The following GNG2 variants were observed in gnomAD, a reference collection of about 807,000 sequenced individuals.
GNG2 encodes G protein subunit gamma 2, also known as guanine nucleotide-binding protein G(I)/G(S)/G(O) subunit gamma-2.
Under a neutral mutation model 5.5 loss-of-function variants are expected in GNG2, and 5 were observed. The ratio of observed to expected loss-of-function variants is 0.91; its 90% CI spans 0.48 to 1.92. The LOEUF is 1.92. GNG2 is among the 30% of genes most tolerant of loss of function. The pLI, the probability that GNG2 is intolerant of heterozygous loss-of-function variation, is 0.01. For missense variants in GNG2, 55 were observed against 88.4 expected, an observed-to-expected ratio of 0.62 and a Z score of 1.52; for synonymous variants, 28 against 32.0, an observed-to-expected ratio of 0.88 and a Z score of 0.42.
At chr14:51,865,235 A>G (rs1196675480) in intron 1 of GNG2, among the ~76,000 whole-genome samples, 1 of 152,116 alleles carries the variant, frequency 6.6e-6, no homozygotes, top group African/African-American at 2.4e-5. Flanking sequence ...TATTCATTCT[A>G]CAATTACTGG....
chr14:51,917,467 G>A (rs1886717529), intron 2 of GNG2: 1 of 455,436 alleles, frequency 2.2e-6, no homozygotes, highest in Non-Finnish European at 4.4e-6. Flanking sequence ...GAGTGAGTTG[G>A]AACCTTAGCC....
intron 2 of GNG2, among the ~76,000 whole-genome samples, chr14:51,917,974 C>T (rs1404353775): frequency 2.0e-5 from 3 of 149,268 alleles, no homozygotes; most frequent in African/African-American, 4.9e-5. Flanking sequence ...TGCACTGCGC[C>T]GAGATCGTGT....
intron 1 of GNG2, among the ~76,000 whole-genome samples, chr14:51,863,968 A>G (rs1882696124): frequency 2.6e-5 from 4 of 152,208 alleles, no homozygotes; most frequent in South Asian, 4.1e-4. Context: ...TAATACTGCT[A>G]TGAACACGGG....
intron 2 of GNG2, among the ~76,000 whole-genome samples, chr14:51,938,107 T>C (rs1384445221): frequency 6.6e-6 from 1 of 152,216 alleles, no homozygotes; most frequent in East Asian, 1.9e-4. Flanking sequence ...AGTAAATCCT[T>C]GTTAATGAAT....
chr14:51,842,266 G>A (rs889263018), intron 2 of GNG2, among the ~76,000 whole-genome samples: 2 of 152,214 alleles, frequency 1.3e-5, no homozygotes, highest in Non-Finnish European at 2.9e-5. Flanking sequence ...TGGCGTTGAT[G>A]TCTTGAAATA....
At chr14:51,966,457 C>T in intron 3 of GNG2, 102 bp from the exon 4 acceptor site, 1 of 1,013,882 alleles carries the variant, frequency 9.9e-7, no homozygotes. Context: ...TATCTTGCTT[C>T]ATGGAGCAAG....
intron 2 of GNG2, among the ~76,000 whole-genome samples, chr14:51,947,856 AGGT>A (rs1183319689): frequency 1.3e-5 from 2 of 152,218 alleles, no homozygotes; most frequent in Non-Finnish European, 2.9e-5. Flanking sequence ...AGTTAATAGC[AGGT>A]CTGTTGGCTA....
intron 2 of GNG2, among the ~76,000 whole-genome samples, chr14:51,947,828 A>G (rs1019383567): frequency 6.6e-6 from 1 of 152,320 alleles, no homozygotes; most frequent in East Asian, 1.9e-4. Flanking sequence ...TTGAATGACA[A>G]TAATGGGTCA....
chr14:51,847,694 G>T (rs982132443), intron 2 of GNG2, among the ~76,000 whole-genome samples: 2 of 152,026 alleles, frequency 1.3e-5, no homozygotes, highest in Non-Finnish European at 2.9e-5. Context: ...GAGGGGCCAT[G>T]GACCCTCAGA....
At chr14:51,914,347 G>T in intron 2 of GNG2, 2 of 698,676 alleles carry the variant, frequency 2.9e-6, no homozygotes, top group Non-Finnish European at 5.2e-6. Flanking sequence ...AGAAACACAG[G>T]CCACAGTAAC....
At chr14:51,891,292 C>T (rs1271848964) in intron 2 of GNG2, among the ~76,000 whole-genome samples, 2 of 152,210 alleles carry the variant, frequency 1.3e-5, no homozygotes, top group African/African-American at 4.8e-5. Flanking sequence ...TTCAGATCAA[C>T]AATTCCTTCC....
At chr14:51,926,117 T>TA (rs1439986158) in intron 2 of GNG2, among the ~76,000 whole-genome samples, 3 of 152,154 alleles carry the variant, frequency 2.0e-5, no homozygotes, top group Admixed American at 6.5e-5. Flanking sequence ...GTCCAATTTT[T>TA]AAAAAAATTG....
At chr14:51,895,976 A>C in intron 2 of GNG2, among the ~76,000 whole-genome samples, 1 of 152,242 alleles carries the variant, frequency 6.6e-6, no homozygotes, top group South Asian at 2.1e-4. Flanking sequence ...AGCTATGTGG[A>C]ACTGTAAGTC....
chr14:51,919,266 A>C (rs1886866008), intron 2 of GNG2, among the ~76,000 whole-genome samples: 1 of 152,216 alleles, frequency 6.6e-6, no homozygotes, highest in Non-Finnish European at 1.5e-5. Flanking sequence ...GTTTAATATT[A>C]CTCAAAAAAT....
Position 51,954,389 on chromosome 14 carries a change from TCA to T in GNG2, c.87+3628_87+3629del, listed in dbSNP as rs779857540. ...CTGGATGAATGAAACAGCAATAGAC[TCA>T]CACTAACACTGACCAAAGACAAAAT... On this transcript the variant is annotated intron_variant, in intron 3 of 3. Coordinates refer to ENST00000556766, the MANE Select transcript of GNG2 (RefSeq NM_053064.5). Among the ~76,000 whole-genome samples the T allele has an allele frequency of 5.9e-5, 9 of 152,022 alleles. 1 individual carries two copies. Among genetic ancestry groups the T allele is most frequent in the Non-Finnish European group, 1.2e-4 (8 of 67,998 alleles).
At chr14:51,846,649 C>T (rs780690717) in intron 2 of GNG2, among the ~76,000 whole-genome samples, 3 of 152,272 alleles carry the variant, frequency 2.0e-5, no homozygotes, top group Admixed American at 1.3e-4. Context: ...CTTGGTGGAA[C>T]GCAGGCTGAG....
At chr14:51,831,126 C>T (rs566609443) in intron 2 of GNG2, among the ~76,000 whole-genome samples, 23 of 152,244 alleles carry the variant, frequency 1.5e-4, no homozygotes, top group African/African-American at 5.3e-4. Flanking sequence ...TTGCTAGTTC[C>T]CCAACTCCAA....
intron 2 of GNG2, among the ~76,000 whole-genome samples, chr14:51,942,589 CT>C (rs56883654): frequency 3.7e-5 from 3 of 81,144 alleles, no homozygotes; most frequent in East Asian, 3.1e-4. Context: ...TTCTTTCTTT[CT>C]TTTTTTTTTT....
At chr14:51,897,413 C>T (rs951867442) in intron 2 of GNG2, among the ~76,000 whole-genome samples, 4 of 152,090 alleles carry the variant, frequency 2.6e-5, no homozygotes, top group East Asian at 1.9e-4. Flanking sequence ...TGGACAATTC[C>T]GGGGTGGGGG....
Sources: allele counts gnomAD v4.1 joint callset (sites outside exome capture counted in the v4.1 genomes callset), GRCh38; gene constraint gnomAD v4.1.1; transcripts MANE v1.5; gene names NCBI Gene and HGNC (gene_info 2026-07-23, HGNC 2026-07-21).